The following HS6ST2 variants were observed in gnomAD, a reference collection of about 807,000 sequenced individuals.
The protein encoded by HS6ST2 is heparan-sulfate 6-O-sulfotransferase 2.
A neutral mutation model predicts 33.0 loss-of-function variants in HS6ST2; 17 were observed. That is an observed-to-expected ratio of 0.52 (90% CI 0.35 to 0.77). The LOEUF is 0.77. Among genes scored for constraint, HS6ST2 ranks in the 30% least tolerant of loss-of-function variants. The probability of loss-of-function intolerance (pLI) is 0.01; values close to 1 mark genes in which losing one functional copy is unlikely to be tolerated. For missense variants in HS6ST2, 519 were observed against 551.7 expected (o/e 0.94, Z 0.59); for synonymous variants, 248 against 237.1 (o/e 1.05, Z -0.42).
chrX:132,813,305 C>T (rs752676950), intron 2 of HS6ST2, among the ~76,000 whole-genome samples: 1 of 111,587 alleles, frequency 9.0e-6, no homozygotes, highest in East Asian at 2.8e-4. Flanking sequence ...TATTGAAATT[C>T]CCTTCTCCCA....
intron 2 of HS6ST2, among the ~76,000 whole-genome samples, chrX:132,953,972 C>G (rs763670487): frequency 1.8e-5 from 2 of 112,148 alleles, no homozygotes; most frequent in Non-Finnish European, 3.8e-5. Flanking sequence ...TGGAGTCAGA[C>G]AGAAGTGCAG....
rs188489056 is a variant in HS6ST2 at position 132,863,738 on chromosome X, C to T, written c.947+93070G>A. Among the ~76,000 whole-genome samples the T allele has an allele frequency of 2.7e-5, 3 of 111,652 alleles. No homozygotes were observed. The Admixed American group carries it at 2.9e-4, about 11-fold the overall frequency. On this transcript the variant is annotated intron_variant, in intron 2 of 4. Transcript: ENST00000370833. ...TTCAGGAACTTAATCAAGGGAGTTT[C>T]TACCCAAGAGACTCTATTTAAAAAG...
chrX:132,715,463 C>A (rs5933179), intron 2 of HS6ST2, among the ~76,000 whole-genome samples: 6 of 110,015 alleles, frequency 5.5e-5, no homozygotes, highest in East Asian at 5.8e-4. Flanking sequence ...AAGTTATTTC[C>A]GCAATCATAA....
chrX:132,642,551 A>G (rs1435224539), intron 4 of HS6ST2, among the ~76,000 whole-genome samples: 1 of 111,955 alleles, frequency 8.9e-6, no homozygotes, highest in Non-Finnish European at 1.9e-5. Flanking sequence ...CACCTGGGAA[A>G]GTTTTTCCTT....
At chrX:132,803,111 G>T (rs1287124178) in intron 2 of HS6ST2, among the ~76,000 whole-genome samples, 1 of 111,390 alleles carries the variant, frequency 9.0e-6, no homozygotes, top group Non-Finnish European at 1.9e-5. Flanking sequence ...GTTCCTTCCA[G>T]ATCCGAGGCT....
chrX:132,894,138 G>GT (rs1163292769), intron 2 of HS6ST2, among the ~76,000 whole-genome samples: 10 of 90,581 alleles, frequency 1.1e-4, no homozygotes, highest in Middle Eastern at 6.0e-3. Context: ...TTTTTTTTTT[G>GT]TGGGGGGGGA....
At chrX:132,829,482 A>T (rs7065851) in intron 2 of HS6ST2, among the ~76,000 whole-genome samples, 1 of 106,817 alleles carries the variant, frequency 9.4e-6, no homozygotes, top group African/African-American at 3.4e-5. Flanking sequence ...AAATTCCCCA[A>T]GCCTATGCAC....
chrX:132,645,008 C>T (rs757940676), intron 4 of HS6ST2, among the ~76,000 whole-genome samples: 34 of 111,586 alleles, frequency 3.0e-4, no homozygotes, highest in African/African-American at 1.1e-3. Context: ...TTCTTTGGTC[C>T]TTTGTTGTAG....
Position 132,740,161 on chromosome X carries a change from G to A in HS6ST2, c.948-31667C>T, listed in dbSNP as rs187441314. On this transcript the variant is annotated intron_variant, in intron 2 of 4. Coordinates refer to ENST00000370833, the MANE Select transcript of HS6ST2 (RefSeq NM_001394073.1). ...TTTCACGAAATCTTCGTCAACCCTG[G>A]GAATTTTGATTTTAACATTTCTCAG... Among the ~76,000 whole-genome samples, 21 of 111,633 alleles carry A rather than the reference G, an allele frequency of 1.9e-4. No homozygotes were observed. In the East Asian group the frequency reaches 5.9e-3, roughly 31 times the overall value.
At chrX:132,680,873 C>A (rs1427346177) in intron 3 of HS6ST2, among the ~76,000 whole-genome samples, 1 of 110,441 alleles carries the variant, frequency 9.1e-6, no homozygotes, top group Non-Finnish European at 1.9e-5. Context: ...GTGGTGGGTG[C>A]CTGTATTCCC....
chrX:132,746,458 G>T (rs377737613), intron 2 of HS6ST2, among the ~76,000 whole-genome samples: 10 of 110,828 alleles, frequency 9.0e-5, no homozygotes, highest in Non-Finnish European at 1.9e-4. Flanking sequence ...AGCCAAAATC[G>T]CGCCACTGCA....
At chrX:132,952,551 T>C (rs1206061677) in intron 2 of HS6ST2, among the ~76,000 whole-genome samples, 1 of 111,353 alleles carries the variant, frequency 9.0e-6, no homozygotes, top group Non-Finnish European at 1.9e-5. Flanking sequence ...ACACACACTC[T>C]ATAGTTACAG....
chrX:132,777,419 CTTTTA>C (rs57597049), intron 2 of HS6ST2, among the ~76,000 whole-genome samples: 1 of 105,304 alleles, frequency 9.5e-6, no homozygotes, highest in African/African-American at 3.5e-5. Flanking sequence ...TTAAATATCA[CTTTTA>C]TTTTATTTTA....
At chrX:132,670,157 TA>T (rs1445954761) in intron 3 of HS6ST2, among the ~76,000 whole-genome samples, 1 of 111,275 alleles carries the variant, frequency 9.0e-6, no homozygotes, top group African/African-American at 3.3e-5. Context: ...AAAGTGAAGG[TA>T]AGAAAGAAAA....
In HS6ST2 at chrX:132,883,037, A is replaced by C. The variant is rs1220992217; in HGVS notation, c.947+73771T>G. 2.7e-5 allele frequency among the ~76,000 whole-genome samples: 3 copies of C among 110,324 alleles called. No homozygotes were observed. The East Asian group carries it at 8.6e-4, about 31-fold the overall frequency. ...GCTGGATTCGGTTTGCCAGTATTTTATTGAGGATTTTTGCATCAATGTTCA... is the reference window on the plus strand; with the variant it reads ...GCTGGATTCGGTTTGCCAGTATTTTCTTGAGGATTTTTGCATCAATGTTCA... On this transcript the variant is annotated intron_variant, in intron 2 of 4. Coordinates refer to ENST00000370833, the MANE Select transcript of HS6ST2 (RefSeq NM_001394073.1).
In HS6ST2 at chrX:132,677,017, T is replaced by C. The variant is rs187059041; in HGVS notation, c.981-7818A>G. Reference sequence around the variant, plus strand: ...GCAAACACCACAGAGTGGAGCTCCATAGCAGGTGAGACAAAGATTAGATCT... The same window carrying C: ...GCAAACACCACAGAGTGGAGCTCCACAGCAGGTGAGACAAAGATTAGATCT... On this transcript the variant is annotated intron_variant, in intron 3 of 4. Coordinates refer to ENST00000370833, the MANE Select transcript of HS6ST2 (RefSeq NM_001394073.1). 9.8e-5 allele frequency among the ~76,000 whole-genome samples: 11 copies of C among 112,197 alleles called. No homozygotes were observed. The East Asian group carries it at 2.5e-3, about 26-fold the overall frequency.
intron 2 of HS6ST2, among the ~76,000 whole-genome samples, chrX:132,897,275 CG>C (rs1471538102): frequency 9.3e-6 from 1 of 107,244 alleles, no homozygotes; most frequent in Non-Finnish European, 1.9e-5. Flanking sequence ...GCGGGGGGAG[CG>C]GGGGCAAGGG....
At chrX:132,849,476 T>C (rs973873728) in intron 2 of HS6ST2, among the ~76,000 whole-genome samples, 2 of 111,935 alleles carry the variant, frequency 1.8e-5, no homozygotes, top group African/African-American at 6.5e-5. Flanking sequence ...CAGACAATCA[T>C]TCTGACTGCT....
chrX:132,863,491 ATT>A (rs113230236), intron 2 of HS6ST2, among the ~76,000 whole-genome samples: 2 of 94,254 alleles, frequency 2.1e-5, no homozygotes, highest in Admixed American at 1.2e-4. Flanking sequence ...AGCTAACTTA[ATT>A]TTTTTTTTTT....
Sources: gnomAD v4.1 joint callset for allele counts (sites outside exome capture counted in the v4.1 genomes callset) on GRCh38, gnomAD v4.1.1 for gene constraint, MANE v1.5 for transcripts, NCBI Gene and HGNC (gene_info 2026-07-23, HGNC 2026-07-21) for gene names.